Variants in ADAMTSL1 observed in about 807,000 individuals in gnomAD.
ADAMTSL1 encodes ADAMTS-like protein 1.
Under a neutral mutation model 201.8 loss-of-function variants are expected in ADAMTSL1, and 126 were observed. The observed-to-expected ratio is 0.62, with a 90% CI of 0.54 to 0.72. The LOEUF (loss-of-function observed/expected upper bound fraction) is 0.72. Ranked by LOEUF, ADAMTSL1 falls within the 30% of genes least tolerant of loss-of-function variation. The pLI is 0.00. For missense variants in ADAMTSL1, 2,679 were observed against 2,277.8 expected (o/e 1.18, Z -3.59); for synonymous variants, 1,121 against 903.4 (o/e 1.24, Z -4.32).
chr9:18,569,112 A>G (rs1208192465), intron 3 of ADAMTSL1, among the ~76,000 whole-genome samples: 1 of 152,192 alleles, frequency 6.6e-6, no homozygotes, highest in Non-Finnish European at 1.5e-5. Context: ...TAAACTGGGA[A>G]CCCTGACCCT....
intron 13 of ADAMTSL1, among the ~76,000 whole-genome samples, chr9:18,689,353 G>C (rs1221071132): frequency 1.3e-5 from 2 of 151,936 alleles, no homozygotes. Flanking sequence ...ATGATCCCTA[G>C]GACATTTAAA....
intron 3 of ADAMTSL1, among the ~76,000 whole-genome samples, chr9:18,567,380 T>G (rs1013753356): frequency 1.3e-5 from 2 of 152,056 alleles, no homozygotes; most frequent in Non-Finnish European, 2.9e-5. Context: ...GCAGGAGAAT[T>G]GCTTGAACCC....
chr9:18,004,923 T>A (rs964128560), intron 1 of ADAMTSL1, among the ~76,000 whole-genome samples: 15 of 152,088 alleles, frequency 9.9e-5, no homozygotes, highest in African/African-American at 3.4e-4. Flanking sequence ...CTACCATTCA[T>A]TTACTTGGCA....
chr9:18,024,432 G>A (rs1279674951), intron 1 of ADAMTSL1, among the ~76,000 whole-genome samples: 2 of 151,746 alleles, frequency 1.3e-5, no homozygotes, highest in Non-Finnish European at 2.9e-5. Flanking sequence ...CCTTCCTCTA[G>A]TACTCCCTAG....
At chr9:18,100,670 G>A (rs1166218654) in intron 1 of ADAMTSL1, among the ~76,000 whole-genome samples, 1 of 151,852 alleles carries the variant, frequency 6.6e-6, no homozygotes, top group African/African-American at 2.4e-5. Context: ...ACTCCTAGTA[G>A]TTTCTTTTCA....
intron 24 of ADAMTSL1, 96 bp downstream of exon 24, chr9:18,888,139 A>G (rs1039824838): frequency 2.3e-6 from 3 of 1,314,662 alleles, no homozygotes; most frequent in Non-Finnish European, 3.1e-6. Flanking sequence ...TCTGATCTCC[A>G]GTGGTACTCA....
At chr9:18,127,588 G>C (rs1352764619) in intron 1 of ADAMTSL1, among the ~76,000 whole-genome samples, 6 of 152,042 alleles carry the variant, frequency 3.9e-5, no homozygotes, top group Non-Finnish European at 8.8e-5. Context: ...CTCTAGCTTG[G>C]TGGGCTTGAA....
At chr9:18,667,067 C>T (rs1188545092) in intron 9 of ADAMTSL1, among the ~76,000 whole-genome samples, 3 of 151,480 alleles carry the variant, frequency 2.0e-5, no homozygotes, top group Admixed American at 6.6e-5. Context: ...CACACTATCA[C>T]GGCCACAATT....
At chr9:17,927,601 C>G (rs1380589297) in intron 1 of ADAMTSL1, among the ~76,000 whole-genome samples, 2 of 152,092 alleles carry the variant, frequency 1.3e-5, no homozygotes, top group African/African-American at 4.8e-5. Context: ...ATGGTTGCAT[C>G]TGTACTGAAT....
chr9:18,822,474 T>A (rs1438705840), intron 21 of ADAMTSL1, among the ~76,000 whole-genome samples: 11 of 152,210 alleles, frequency 7.2e-5, no homozygotes, highest in Admixed American at 3.9e-4. Context: ...GCTAGTATAA[T>A]GGCAGGCGGT....
At chr9:18,304,469 A>G (rs777759571) in intron 2 of ADAMTSL1, among the ~76,000 whole-genome samples, 1 of 152,086 alleles carries the variant, frequency 6.6e-6, no homozygotes, top group Non-Finnish European at 1.5e-5. Flanking sequence ...TGGTTTTGCT[A>G]TTTTGCAAAA....
intron 20 of ADAMTSL1, among the ~76,000 whole-genome samples, chr9:18,801,044 C>T (rs968599701): frequency 6.6e-6 from 1 of 152,202 alleles, no homozygotes; most frequent in Non-Finnish European, 1.5e-5. Context: ...GGAAGGCATG[C>T]AGCCTGGGAA....
intron 1 of ADAMTSL1, among the ~76,000 whole-genome samples, chr9:18,129,902 A>C (rs1022873603): frequency 6.6e-6 from 1 of 152,164 alleles, no homozygotes; most frequent in Non-Finnish European, 1.5e-5. Flanking sequence ...AGGAAAGGAA[A>C]GCTTAACTGA....
intron 2 of ADAMTSL1, among the ~76,000 whole-genome samples, chr9:18,291,739 TCTCTCTCTCACACACA>T (rs1563863876): frequency 6.5e-5 from 8 of 123,502 alleles, no homozygotes; most frequent in African/African-American, 1.2e-4. Context: ...TCTCTCTCTC[TCTCTCTCTCACACACA>T]CACACACACA....
At position 18,542,797 on chromosome 9, in the gene ADAMTSL1, C is replaced by T. The variant is rs143444446; in HGVS notation, c.237+9505C>T. On this transcript the variant is annotated intron_variant, in intron 3 of 28. Transcript: ENST00000380548. ...CTTCCTCCTCTCTTCTGACAAAGTA[C>T]TGTTTCTGAAAGACTACATTATTTT... Among the ~76,000 whole-genome samples, 1,282 of 152,304 alleles carry T rather than the reference C, an allele frequency of 8.4e-3. 15 individuals are homozygous for T. The highest frequency in any genetic ancestry group is 9.1e-3 in the Non-Finnish European group (616 of 68,028).
At chr9:18,815,724 A>G (rs993808244) in intron 20 of ADAMTSL1, among the ~76,000 whole-genome samples, 37 of 130,462 alleles carry the variant, frequency 2.8e-4, no homozygotes, top group African/African-American at 1.1e-3. Context: ...AAAAAAAAAA[A>G]AAAAAAAAAA....
chr9:18,424,284 G>A (rs1266359242), intron 2 of ADAMTSL1, among the ~76,000 whole-genome samples: 5 of 152,158 alleles, frequency 3.3e-5, no homozygotes, highest in African/African-American at 1.2e-4. Flanking sequence ...TTGCCCTGTT[G>A]AACTCATGCT....
chr9:18,849,934 T>C (rs1400828347), intron 23 of ADAMTSL1, among the ~76,000 whole-genome samples: 1 of 152,170 alleles, frequency 6.6e-6, no homozygotes, highest in East Asian at 1.9e-4. Context: ...TAAAACTAAA[T>C]TGTCATTTCA....
chr9:18,636,134 A>C, intron 6 of ADAMTSL1, 117 bp downstream of exon 6: 1 of 874,636 alleles, frequency 1.1e-6, no homozygotes, highest in Non-Finnish European at 1.7e-6. Context: ...CTATCATAAT[A>C]TGATATTTTG....
Sources: allele counts gnomAD v4.1 joint callset (sites outside exome capture counted in the v4.1 genomes callset), GRCh38; gene constraint gnomAD v4.1.1; transcripts MANE v1.5; gene names NCBI Gene and HGNC (gene_info 2026-07-23, HGNC 2026-07-21).